GABRG2: variants seen among roughly 807,000 people sequenced by gnomAD.
GABRG2 encodes the protein gamma-aminobutyric acid type A receptor subunit gamma2, also known as gamma-aminobutyric acid receptor subunit gamma-2.
Under a neutral mutation model 56.4 loss-of-function variants are expected in GABRG2, and 16 were observed. The ratio of observed to expected loss-of-function variants is 0.28; its 90% CI spans 0.19 to 0.43. GABRG2 has a LOEUF of 0.43. Among genes scored for constraint, GABRG2 ranks in the 20% least tolerant of loss-of-function variants. The probability of loss-of-function intolerance (pLI) is 1.00; values close to 1 mark genes in which losing one functional copy is unlikely to be tolerated. For missense variants in GABRG2, 327 were observed against 582.7 expected, an observed-to-expected ratio of 0.56 and a Z score of 4.52; for synonymous variants, 208 against 205.5, an observed-to-expected ratio of 1.01 and a Z score of -0.10.
intron 6 of GABRG2, among the ~76,000 whole-genome samples, chr5:162,137,647 C>G (rs2113572097): frequency 6.6e-6 from 1 of 152,194 alleles, no homozygotes; most frequent in East Asian, 1.9e-4. Flanking sequence ...TTGGAAATAT[C>G]TCACCACACT....
At chr5:162,123,893 T>G (rs1280723228) in intron 6 of GABRG2, among the ~76,000 whole-genome samples, 1 of 151,882 alleles carries the variant, frequency 6.6e-6, no homozygotes, top group East Asian at 1.9e-4. Flanking sequence ...ACATTTAAAA[T>G]AATTATAACT....
intron 1 of GABRG2, among the ~76,000 whole-genome samples, chr5:162,068,419 T>C (rs1758396971): frequency 6.6e-6 from 1 of 152,044 alleles, no homozygotes. Flanking sequence ...CGGAGTGGGC[T>C]GTGCTGATAC....
chr5:162,102,179 A>G, intron 5 of GABRG2: 1 of 189,996 alleles, frequency 5.3e-6, no homozygotes, highest in Non-Finnish European at 1.1e-5. Flanking sequence ...ACCAGAGGAA[A>G]CCAGAGGAAA....
intron 6 of GABRG2, among the ~76,000 whole-genome samples, chr5:162,127,794 G>A (rs2113520256): frequency 6.6e-6 from 1 of 152,122 alleles, no homozygotes; most frequent in East Asian, 1.9e-4. Flanking sequence ...AACACAAAAA[G>A]ATTTGAGCAT....
chr5:162,098,953 G>A (rs1399580609), intron 4 of GABRG2: 1 of 151,926 alleles, frequency 6.6e-6, no homozygotes, highest in Non-Finnish European at 1.5e-5. Context: ...TTGCTATAAG[G>A]ACAAAATAGG....
chr5:162,138,498 C>A (rs1227082444), intron 6 of GABRG2, among the ~76,000 whole-genome samples: 1 of 152,110 alleles, frequency 6.6e-6, no homozygotes, highest in Non-Finnish European at 1.5e-5. Flanking sequence ...AATTTAGAAT[C>A]AGTTATGAGG....
chr5:162,095,323 C>T (rs1177053028), intron 2 of GABRG2, among the ~76,000 whole-genome samples, 172 bp from the exon 3 acceptor site: 1 of 152,102 alleles, frequency 6.6e-6, no homozygotes, highest in African/African-American at 2.4e-5. Context: ...AAAGATATTT[C>T]TTTGAAAACA....
intron 6 of GABRG2, among the ~76,000 whole-genome samples, chr5:162,126,074 A>G (rs1045465138): frequency 2.6e-5 from 4 of 151,994 alleles, no homozygotes; most frequent in African/African-American, 9.7e-5. Context: ...AACTTAGAAG[A>G]CAGAGATTTG....
intron 6 of GABRG2, among the ~76,000 whole-genome samples, chr5:162,141,793 A>C (rs1764586770): frequency 6.6e-6 from 1 of 152,182 alleles, no homozygotes; most frequent in South Asian, 2.1e-4. Flanking sequence ...CAAAACCTAG[A>C]ATGAATTGCA....
At chr5:162,117,261 A>C (rs1762682317) in intron 6 of GABRG2, among the ~76,000 whole-genome samples, 2 of 152,218 alleles carry the variant, frequency 1.3e-5, no homozygotes, top group South Asian at 4.1e-4. Flanking sequence ...TTACAAGTCC[A>C]AAATATTGGT....
intron 1 of GABRG2, among the ~76,000 whole-genome samples, chr5:162,075,697 T>C (rs2113146315): frequency 6.6e-6 from 1 of 152,116 alleles, no homozygotes; most frequent in African/African-American, 2.4e-5. Flanking sequence ...AAAAAGGAAA[T>C]ATTTTCAACT....
At chr5:162,072,668 A>G (rs1758767116) in intron 1 of GABRG2, among the ~76,000 whole-genome samples, 1 of 152,014 alleles carries the variant, frequency 6.6e-6, no homozygotes, top group Non-Finnish European at 1.5e-5. Flanking sequence ...GTCATGTTAT[A>G]CATACACACT....
intron 1 of GABRG2, among the ~76,000 whole-genome samples, chr5:162,086,986 C>T (rs890348133): frequency 1.3e-5 from 2 of 151,952 alleles, no homozygotes; most frequent in Admixed American, 6.6e-5. Context: ...TTATAGAGTA[C>T]AGAAAATGTT....
At chr5:162,121,929 ATAGC>A (rs1332742095) in intron 6 of GABRG2, among the ~76,000 whole-genome samples, 31 of 152,194 alleles carry the variant, frequency 2.0e-4, no homozygotes, top group African/African-American at 6.7e-4. Context: ...AAAATGTAGA[ATAGC>A]TAGCAGTCAA....
At chr5:162,151,400 T>G (rs1419540229) in intron 8 of GABRG2, 1 of 243,504 alleles carries the variant, frequency 4.1e-6, no homozygotes, top group Non-Finnish European at 7.9e-6. Flanking sequence ...TGATGATAAT[T>G]AGAAAATAGA....
At chr5:162,096,162 A>C (rs1200743829) in intron 3 of GABRG2, among the ~76,000 whole-genome samples, 1 of 152,048 alleles carries the variant, frequency 6.6e-6, no homozygotes, top group Non-Finnish European at 1.5e-5. Flanking sequence ...CTAGCAATAA[A>C]GATGCTCTGC....
intron 1 of GABRG2, among the ~76,000 whole-genome samples, chr5:162,083,146 T>C (rs1183089702): frequency 1.3e-5 from 2 of 151,778 alleles, no homozygotes; most frequent in African/African-American, 4.8e-5. Flanking sequence ...TCTGAAAAAT[T>C]TTGCTCCACC....
intron 1 of GABRG2, among the ~76,000 whole-genome samples, chr5:162,088,721 A>G (rs1760326885): frequency 6.6e-6 from 1 of 152,140 alleles, no homozygotes; most frequent in Non-Finnish European, 1.5e-5. Flanking sequence ...GCCGTGAAGA[A>G]TAATGGTTAA....
rs1216463689 is a variant in GABRG2, at chr5:162,149,121, C to A, written c.936C>A (p.Val312=). The A allele has an allele frequency of 6.2e-7, 1 of 1,613,904 alleles. No homozygotes were observed. Among genetic ancestry groups the A allele is most frequent in the Admixed American group, 1.7e-5 (1 of 60,008 alleles). Residue 312 remains valine, a synonymous_variant, in exon 8 of 10, where the codon GTC becomes GTA. Transcript: ENST00000639213. The stretch of plus-strand genomic sequence containing the variant: ...ACCTCTCTTCAGGTATCACCACTGT[C>A]CTGACAATGACCACCCTCAGCACCA... The part of the protein sequence containing the change: ...PARTSLGITT[V]LTMTTLSTIA...
Sources: allele counts gnomAD v4.1 joint callset (sites outside exome capture counted in the v4.1 genomes callset), GRCh38; gene constraint gnomAD v4.1.1; transcripts MANE v1.5; gene names NCBI Gene and HGNC (gene_info 2026-07-23, HGNC 2026-07-21).